CDH13: variants seen among roughly 807,000 people sequenced by gnomAD.
CDH13 encodes the protein cadherin 13, also known as cadherin-13.
CDH13 carries 24 observed loss-of-function variants against 63.8 expected under a neutral mutation model. The ratio of observed to expected loss-of-function variants is 0.38; its 90% CI spans 0.27 to 0.53. CDH13 has a LOEUF of 0.53. CDH13 is among the 20% of genes least tolerant of loss of function. The pLI, the probability that CDH13 is intolerant of heterozygous loss-of-function variation, is 0.85. For missense variants in CDH13, 1,049 were observed against 903.1 expected (o/e 1.16, Z -2.07); for synonymous variants, 503 against 355.3 (o/e 1.42, Z -4.67).
intron 1 of CDH13, among the ~76,000 whole-genome samples, chr16:82,727,273 G>A (rs1261455444): frequency 6.6e-6 from 1 of 152,088 alleles, no homozygotes; most frequent in Non-Finnish European, 1.5e-5. Context: ...GTAAATCCCT[G>A]GAGGTTGCAG....
chr16:82,854,279 C>T (rs987290494), intron 1 of CDH13, among the ~76,000 whole-genome samples: 3 of 151,634 alleles, frequency 2.0e-5, no homozygotes, highest in African/African-American at 4.8e-5. Context: ...CTGGCACCTG[C>T]AGTCACAGCT....
Position 83,351,257 on chromosome 16 carries a change from G to A in CDH13, c.781+6251G>A, listed in dbSNP as rs190818263. 2.7e-5 allele frequency among the ~76,000 whole-genome samples: 4 copies of A among 147,804 alleles called. No individual in the cohort carries two copies. The East Asian group carries it at 7.8e-4, about 29-fold the overall frequency. Reference sequence around the variant, plus strand: ...CCCCAACCAATCCTATGTGTTTCTGGAATATCAGGCATGTGGCTATTTCTT... The same window carrying A: ...CCCCAACCAATCCTATGTGTTTCTGAAATATCAGGCATGTGGCTATTTCTT... On this transcript the variant is annotated intron_variant, in intron 6 of 13. Coordinates refer to ENST00000567109, the MANE Select transcript of CDH13 (RefSeq NM_001257.5).
At chr16:83,591,435 C>T (rs1427592070) in intron 7 of CDH13, among the ~76,000 whole-genome samples, 6 of 152,224 alleles carry the variant, frequency 3.9e-5, no homozygotes, top group Non-Finnish European at 8.8e-5. Flanking sequence ...CCTAACCAGC[C>T]ATGTGCTCCT....
chr16:83,087,479 C>G (rs931433273), intron 3 of CDH13, among the ~76,000 whole-genome samples: 4 of 151,842 alleles, frequency 2.6e-5, no homozygotes, highest in Non-Finnish European at 5.9e-5. Context: ...ACCAGCCTAC[C>G]CAACATGTCG....
chr16:83,185,665 T>C (rs946017270), intron 4 of CDH13, among the ~76,000 whole-genome samples: 4 of 152,326 alleles, frequency 2.6e-5, no homozygotes, highest in East Asian at 1.9e-4. Flanking sequence ...CCTACTTACC[T>C]GTTGGTCCAA....
At chr16:83,451,465 A>T (rs1234311005) in intron 6 of CDH13, among the ~76,000 whole-genome samples, 3 of 152,164 alleles carry the variant, frequency 2.0e-5, no homozygotes, top group Admixed American at 2.0e-4. Flanking sequence ...GGGAGCTACA[A>T]TTCAAGATTT....
intron 1 of CDH13, among the ~76,000 whole-genome samples, chr16:82,655,181 C>T (rs1479118035): frequency 6.6e-6 from 1 of 152,236 alleles, no homozygotes; most frequent in Non-Finnish European, 1.5e-5. Flanking sequence ...TAGCAATGGG[C>T]ACAACCAGGT....
At chr16:83,501,849 T>A (rs953418875) in intron 7 of CDH13, among the ~76,000 whole-genome samples, 8 of 152,254 alleles carry the variant, frequency 5.3e-5, no homozygotes, top group African/African-American at 2.4e-5. Flanking sequence ...GGGATTTCTG[T>A]ATTCATTGCT....
At chr16:82,912,932 G>T (rs1282621323) in intron 2 of CDH13, among the ~76,000 whole-genome samples, 1 of 148,794 alleles carries the variant, frequency 6.7e-6, no homozygotes, top group Non-Finnish European at 1.5e-5. Context: ...GACAGAGCGA[G>T]ACTGTGACTA....
intron 3 of CDH13, among the ~76,000 whole-genome samples, chr16:83,067,402 A>T (rs780722442): frequency 1.8e-4 from 27 of 152,164 alleles, no homozygotes; most frequent in Non-Finnish European, 3.2e-4. Context: ...TAAAATGGGA[A>T]CCATCCATAG....
At chr16:83,054,373 C>T (rs898372968) in intron 3 of CDH13, among the ~76,000 whole-genome samples, 85 of 152,236 alleles carry the variant, frequency 5.6e-4, no homozygotes, top group African/African-American at 1.9e-3. Flanking sequence ...TAATCTTGAA[C>T]TTTGGGGCCA....
intron 6 of CDH13, among the ~76,000 whole-genome samples, chr16:83,473,555 C>G (rs1171397352): frequency 1.3e-5 from 2 of 152,174 alleles, no homozygotes; most frequent in Non-Finnish European, 2.9e-5. Context: ...CATCGATCAT[C>G]TGTCCTGCAC....
At chr16:83,153,221 T>C (rs2037064755) in intron 4 of CDH13, among the ~76,000 whole-genome samples, 1 of 151,978 alleles carries the variant, frequency 6.6e-6, no homozygotes, top group Admixed American at 6.6e-5. Context: ...GAGTGCTGAT[T>C]GGTTGGGTCG....
chr16:83,559,423 T>A (rs1431573799), intron 7 of CDH13, among the ~76,000 whole-genome samples: 1 of 152,032 alleles, frequency 6.6e-6, no homozygotes, highest in Non-Finnish European at 1.5e-5. Context: ...AATATGAAAT[T>A]AGCTGGGCAT....
chr16:82,760,195 T>C (rs946946323), intron 1 of CDH13, among the ~76,000 whole-genome samples: 3 of 152,092 alleles, frequency 2.0e-5, no homozygotes, highest in Non-Finnish European at 2.9e-5. Flanking sequence ...TCTGTGCCAG[T>C]TAGACATAAG....
chr16:83,755,411 T>C (rs115703322), intron 11 of CDH13, among the ~76,000 whole-genome samples: 2,543 of 152,242 alleles, frequency 0.017, 77 homozygotes, highest in African/African-American at 0.057. Flanking sequence ...CCAGGAATTT[T>C]CCAAAACTGA....
chr16:83,014,515 C>T (rs975964631), intron 2 of CDH13, among the ~76,000 whole-genome samples: 2 of 151,010 alleles, frequency 1.3e-5, no homozygotes, highest in African/African-American at 4.9e-5. Flanking sequence ...GGATAGATCA[C>T]TTGAGGTCAG....
intron 8 of CDH13, among the ~76,000 whole-genome samples, chr16:83,631,538 G>A (rs1035654875): frequency 1.3e-5 from 2 of 152,216 alleles, no homozygotes; most frequent in South Asian, 4.2e-4. Flanking sequence ...CAAAATGATG[G>A]AGTTCTTTCA....
intron 3 of CDH13, among the ~76,000 whole-genome samples, chr16:83,111,232 G>C (rs1356718252): frequency 6.6e-6 from 1 of 151,826 alleles, no homozygotes; most frequent in African/African-American, 2.4e-5. Flanking sequence ...TGTGCTTATG[G>C]TCTTGGGAGG....
Sources: allele counts gnomAD v4.1 joint callset (sites outside exome capture counted in the v4.1 genomes callset), GRCh38; gene constraint gnomAD v4.1.1; transcripts MANE v1.5; gene names NCBI Gene and HGNC (gene_info 2026-07-23, HGNC 2026-07-21).